IDUA: variants seen among roughly 807,000 people sequenced by gnomAD.
IDUA encodes iduronidase alpha-L-.
A neutral mutation model predicts 68.9 loss-of-function variants in IDUA; 65 were observed. That is an observed-to-expected ratio of 0.94 (90% CI 0.77 to 1.16). The LOEUF is 1.16. Ranked by LOEUF, IDUA falls within the 50% of genes most tolerant of loss-of-function variation. The pLI is 0.00. For missense variants in IDUA, 1,046 were observed against 938.0 expected, an observed-to-expected ratio of 1.12 and a Z score of -1.50; for synonymous variants, 529 against 433.6, an observed-to-expected ratio of 1.22 and a Z score of -2.73.
intron 2 of IDUA, 103 bp from the exon 3 acceptor site, chr4:1,000,509 G>T: frequency 1.1e-6 from 1 of 915,994 alleles, no homozygotes; most frequent in South Asian, 1.3e-5. Context: ...GTCCTGTGTG[G>T]CACCTTGCAG....
rs751053717 is a variant in IDUA at position 989,618 on chromosome 4, C to T, written c.299+1669C>T. On this transcript the variant is annotated intron_variant, in intron 2 of 13. Transcript: ENST00000514224. ...CTGACCACGATGACGCAGGCCAGCACGCTTCGCTGTAGGTCGTGGAACAGC... is the reference window on the plus strand; with the variant it reads ...CTGACCACGATGACGCAGGCCAGCATGCTTCGCTGTAGGTCGTGGAACAGC... 15 of 1,601,684 alleles carry T rather than the reference C, an allele frequency of 9.4e-6. No homozygotes were observed. Among genetic ancestry groups the T allele is most frequent in the South Asian group, 3.4e-5 (3 of 89,070 alleles).
rs1170251124 is a variant in IDUA, at chr4:1,002,867, C to G, written c.1325C>G (p.Ala442Gly). The G allele has an allele frequency of 2.1e-6, 3 of 1,445,200 alleles. No individual in the cohort carries two copies. Among genetic ancestry groups the G allele is most frequent in the Non-Finnish European group, 2.7e-6 (3 of 1,105,166 alleles). The allele number at this position is 1,445,200 out of a possible 1,614,324, so 89.5% of individuals were successfully genotyped here. ...DAWRAAVLIY[A>G]SDDTRAHPNR... Reference sequence around the variant, plus strand: ...TGGCGCGCCGCGGTGCTGATCTACGCGAGCGACGACACCCGCGCCCACCCC... The same window carrying G: ...TGGCGCGCCGCGGTGCTGATCTACGGGAGCGACGACACCCGCGCCCACCCC... The change falls in exon 9 of 14, where the codon GCG becomes GGG. Residue 442 changes from alanine (A) to glycine (G), a missense_variant. Ala to Gly is a moderately conservative substitution (Grantham distance 60). Coordinates refer to ENST00000514224, the MANE Select transcript of IDUA (RefSeq NM_000203.5).
intron 2 of IDUA, chr4:988,425 C>A: frequency 9.4e-7 from 1 of 1,065,998 alleles, no homozygotes; most frequent in Non-Finnish European, 1.1e-6. Context: ...GAGCCGCTGG[C>A]TCCTACCAGC....
At chr4:1,001,383 C>T in intron 4 of IDUA, 85 bp from the exon 5 acceptor site, 4 of 1,125,288 alleles carry the variant, frequency 3.6e-6, no homozygotes, top group Non-Finnish European at 5.4e-6. Context: ...AGTCAGACGC[C>T]CTTCATCACC....
rs372033248 is a variant in IDUA, at chr4:1,004,060, C to T, written c.1776C>T (p.Tyr592=). 47 of 1,612,418 alleles carry T rather than the reference C, an allele frequency of 2.9e-5. No homozygotes were observed. The highest frequency in any genetic ancestry group is 3.7e-5 in the Non-Finnish European group (44 of 1,179,756). The change falls in exon 13 of 14, where the codon TAC becomes TAT. Residue 592 remains tyrosine, a synonymous_variant. Coordinates refer to ENST00000514224, the MANE Select transcript of IDUA (RefSeq NM_000203.5). The surrounding 1 kb of genome is among the most constrained non-coding windows in gnomAD (Gnocchi z 5.0). ...AGTTCTCTCAGGACGGTAAGGCGTA[C>T]ACCCCGGTCAGCAGGAAGCCATCGA... ...EIQFSQDGKA[Y]TPVSRKPSTF...
chr4:989,626 T>C (rs1389419076), intron 2 of IDUA: 3 of 1,599,892 alleles, frequency 1.9e-6, no homozygotes, highest in Admixed American at 1.7e-5. Context: ...CACGCTTCGC[T>C]GTAGGTCGTG....
At chr4:997,982 G>A (rs1194308027) in intron 2 of IDUA, among the ~76,000 whole-genome samples, 1 of 152,242 alleles carries the variant, frequency 6.6e-6, no homozygotes, top group Non-Finnish European at 1.5e-5. Context: ...GCCCAGCTGG[G>A]TCTTCACTTT....
rs531602352 is a variant in IDUA at position 1,004,367 on chromosome 4, G to C, written c.1936G>C (p.Gly646Arg). The C allele has an allele frequency of 4.3e-5, 69 of 1,611,234 alleles. No individual in the cohort carries two copies. In the South Asian group the frequency reaches 7.4e-4, roughly 17 times the overall value. The change falls in exon 14 of 14, where the codon GGG (glycine) becomes CGG (arginine). Residue 646 changes from glycine to arginine, a missense_variant. Transcript: ENST00000514224. This position sits in a 1 kb window ranked among gnomAD's most constrained non-coding sequence, Gnocchi z 5.0. ...GTACCTGGAGGTCCCTGTGCCAAGAGGGCCCCCATCCCCGGGCAATCCATG... is the reference window on the plus strand; with the variant it reads ...GTACCTGGAGGTCCCTGTGCCAAGACGGCCCCCATCCCCGGGCAATCCATG... ...VPYLEVPVPR[G>R]PPSPGNP
chr4:1,003,776 C>A, intron 12 of IDUA, 151 bp downstream of exon 12: 1 of 904,702 alleles, frequency 1.1e-6, no homozygotes, highest in Non-Finnish European at 1.8e-6. Flanking sequence ...ACCCCACACA[C>A]TGTGGGCCAC....
intron 2 of IDUA, chr4:988,224 G>C (rs1713902748): frequency 4.6e-6 from 6 of 1,314,498 alleles, no homozygotes. Context: ...GAGCATCCCT[G>C]TGTGTGTCTG....
Position 1,004,469 on chromosome 4 carries a change from C to T in IDUA, c.*76C>T, listed in dbSNP as rs1313288667. The stretch of plus-strand genomic sequence containing the variant: ...GGGGCTGCACTGTGCCCATGCTGCC[C>T]TCCCATCACCCCCTTTGCAATATAT... On this transcript the variant is annotated 3_prime_UTR_variant, in exon 14 of 14. Transcript: ENST00000514224. The surrounding 1 kb of genome is among the most constrained non-coding windows in gnomAD (Gnocchi z 5.0). 2 of 1,379,038 alleles carry T rather than the reference C, an allele frequency of 1.5e-6. No individual in the cohort carries two copies. The highest frequency in any genetic ancestry group is 1.7e-5 in the Admixed American group (1 of 57,350). The allele number at this position is 1,379,038 out of a possible 1,614,324, so 85.4% of individuals were successfully genotyped here.
In IDUA at chr4:990,634, C is replaced by G. The variant is rs868023104; in HGVS notation, c.299+2685C>G. On this transcript the variant is annotated intron_variant, in intron 2 of 13. Transcript: ENST00000514224. ...GTCTAACCCTTGTCACGTGCAGCAG[C>G]CCGTTTTATTTCAGAATTAAGACCT... The G allele has an allele frequency of 1.1e-4, 53 of 504,044 alleles. No individual in the cohort carries two copies. The Middle Eastern group carries it at 1.5e-3, about 15-fold the overall frequency. The allele number at this position is 504,044 out of a possible 1,614,324, so 31.2% of individuals were successfully genotyped here. A position where few individuals can be genotyped will look rare whatever the true frequency, so the allele number is the denominator to read the frequency against.
intron 2 of IDUA, among the ~76,000 whole-genome samples, chr4:998,602 C>T (rs1285268929): frequency 6.6e-6 from 1 of 152,154 alleles, no homozygotes; most frequent in Non-Finnish European, 1.5e-5. Flanking sequence ...ACCCCATTCC[C>T]TTTCCCTCAG....
intron 2 of IDUA, chr4:990,557 A>T: frequency 1.7e-6 from 1 of 604,264 alleles, no homozygotes; most frequent in South Asian, 2.0e-5. Flanking sequence ...GCCCGCAGAC[A>T]ACTGTGACAT....
In IDUA at chr4:998,168, C is replaced by G. The variant is rs1200055220; in HGVS notation, c.300-2444C>G. Among the ~76,000 whole-genome samples the G allele has an allele frequency of 9.8e-5, 15 of 152,286 alleles. No individual in the cohort carries two copies. In the East Asian group the frequency reaches 2.1e-3, roughly 22 times the overall value. On this transcript the variant is annotated intron_variant, in intron 2 of 13. Transcript: ENST00000514224. ...CGGGTGGGGTGGACCCCAGGGACTC[C>G]TGCTGCTCCTGCTGGACACCCAGCC...
At chr4:988,683 T>G in intron 2 of IDUA, 1 of 1,414,830 alleles carries the variant, frequency 7.1e-7, no homozygotes. Flanking sequence ...CCTTTCCCAG[T>G]TGGGGTTCCC....
At chr4:1,003,743 G>A in intron 12 of IDUA, 118 bp downstream of exon 12, 14 of 1,147,634 alleles carry the variant, frequency 1.2e-5, no homozygotes, top group Non-Finnish European at 1.7e-5. Context: ...TCCCTCCCTC[G>A]CCGCCCTGCG....
At chr4:990,727 G>A (rs1714223037) in intron 2 of IDUA, 1 of 403,162 alleles carries the variant, frequency 2.5e-6, no homozygotes, top group Non-Finnish European at 4.5e-6. Flanking sequence ...CCATGCAGAT[G>A]TGGAGCCAAC....
At position 1,004,143 on chromosome 4, in the gene IDUA, G is replaced by C. The variant is rs1306952777; in HGVS notation, c.1828+31G>C. The C allele has an allele frequency of 1.2e-6, 2 of 1,611,558 alleles. No individual in the cohort carries two copies. The highest frequency in any genetic ancestry group is 3.3e-5 in the Admixed American group (2 of 59,970). Reference sequence around the variant, plus strand: ...CCCACCACCCGCTGCCCTGGACTCGGCCACCCCATTCTTGGGCCTCAGGGC... The same window carrying C: ...CCCACCACCCGCTGCCCTGGACTCGCCCACCCCATTCTTGGGCCTCAGGGC... On this transcript the variant is annotated intron_variant, in intron 13 of 13. Coordinates refer to ENST00000514224, the MANE Select transcript of IDUA (RefSeq NM_000203.5). This position sits in a 1 kb window ranked among gnomAD's most constrained non-coding sequence, Gnocchi z 5.0.
Sources: gnomAD v4.1 joint callset for allele counts (sites outside exome capture counted in the v4.1 genomes callset) on GRCh38, gnomAD v4.1.1 for gene constraint, Gnocchi (gnomAD v3.1) non-coding constraint, MANE v1.5 for transcripts, NCBI Gene and HGNC (gene_info 2026-07-23, HGNC 2026-07-21) for gene names.